NFATC2: variants seen among roughly 807,000 people sequenced by gnomAD.
NFATC2 encodes nuclear factor of activated T-cells, cytoplasmic 2.
Under a neutral mutation model 87.3 loss-of-function variants are expected in NFATC2, and 22 were observed. The ratio of observed to expected loss-of-function variants is 0.25; its 90% CI spans 0.18 to 0.36. The LOEUF (loss-of-function observed/expected upper bound fraction) is 0.36, where lower values mean the gene tolerates loss of function less well. Among genes scored for constraint, NFATC2 ranks in the 10% least tolerant of loss-of-function variants. The probability of loss-of-function intolerance (pLI) is 1.00; values close to 1 mark genes in which losing one functional copy is unlikely to be tolerated. For missense variants in NFATC2, 1,149 were observed against 1,259.1 expected (o/e 0.91, Z 1.32); for synonymous variants, 565 against 542.2 (o/e 1.04, Z -0.58).
intron 9 of NFATC2, among the ~76,000 whole-genome samples, chr20:51,408,474 A>C (rs1978680276): frequency 6.9e-6 from 1 of 144,630 alleles, no homozygotes; most frequent in Non-Finnish European, 1.5e-5. Context: ...AGATCGCGCC[A>C]CTGCACTCCA....
At chr20:51,429,381 C>T (rs375974366) in intron 9 of NFATC2, among the ~76,000 whole-genome samples, 32 of 152,344 alleles carry the variant, frequency 2.1e-4, no homozygotes, top group African/African-American at 7.0e-4. Flanking sequence ...TTGGAGGCCA[C>T]GTGGGTGGAA....
intron 10 of NFATC2, among the ~76,000 whole-genome samples, chr20:51,397,772 AG>A (rs1987401589): frequency 6.6e-6 from 1 of 152,112 alleles, no homozygotes. Flanking sequence ...ATGCTTCTCA[AG>A]CGTCAGCTCC....
In NFATC2 at chr20:51,542,531, G is replaced by T; in HGVS notation, c.-32C>A. The T allele has an allele frequency of 7.4e-7, 1 of 1,354,810 alleles. No individual in the cohort carries two copies. The highest frequency in any genetic ancestry group is 9.5e-7 in the Non-Finnish European group (1 of 1,055,564). The allele number at this position is 1,354,810 out of a possible 1,614,324, so 83.9% of individuals were successfully genotyped here. On this transcript the variant is annotated 5_prime_UTR_variant, in exon 1 of 11. Transcript: ENST00000371564. ...CAGGGCGGGAAGGCTGCGGGGCCGG[G>T]GGCGAGGGCGGGCGCGGCTGGCTCT... is the stretch of plus-strand genomic sequence containing the variant.
chr20:51,428,909 G>A (rs1982269716), intron 9 of NFATC2, among the ~76,000 whole-genome samples: 1 of 152,206 alleles, frequency 6.6e-6, no homozygotes, highest in African/African-American at 2.4e-5. Flanking sequence ...GGTTTAGCAC[G>A]GGCCCCGTGC....
intron 3 of NFATC2, among the ~76,000 whole-genome samples, chr20:51,507,056 C>G (rs909918253): frequency 6.6e-6 from 1 of 152,210 alleles, no homozygotes; most frequent in African/African-American, 2.4e-5. Flanking sequence ...GCTCCACAGG[C>G]GTCTGGGCTC....
In NFATC2 at chr20:51,524,082, G is replaced by A; in HGVS notation, c.159C>T (p.Ser53=). Residue 53 remains serine (S), a synonymous_variant, in exon 2 of 11, where the codon AGC becomes AGT. Coordinates refer to ENST00000371564, the MANE Select transcript of NFATC2 (RefSeq NM_012340.5). The surrounding 1 kb of genome is among the most constrained non-coding windows in gnomAD (Gnocchi z 4.0). ...EEEPNAHKVA[S]PPSGPAYPDD... is the part of the protein sequence containing the mutation. ...CGGGGTATGCGGGTCCGGAGGGTGG[G>A]CTGGCGACCTTATGTGCATTCGGCT... is the stretch of plus-strand genomic sequence containing the variant. The A allele has an allele frequency of 2.0e-6, 3 of 1,473,540 alleles. No individual in the cohort carries two copies. The highest frequency in any genetic ancestry group is 2.7e-6 in the Non-Finnish European group (3 of 1,115,432). 91.3% of individuals were successfully genotyped at this position (1,473,540 alleles called of 1,614,324 possible).
intron 1 of NFATC2, among the ~76,000 whole-genome samples, chr20:51,539,935 A>G (rs1249052684): frequency 1.3e-5 from 2 of 152,222 alleles, no homozygotes; most frequent in African/African-American, 4.8e-5. Flanking sequence ...CCTTCCAAAG[A>G]GTTTGAAGAA....
At chr20:51,420,288 G>C (rs1980687895) in intron 9 of NFATC2, among the ~76,000 whole-genome samples, 1 of 152,208 alleles carries the variant, frequency 6.6e-6, no homozygotes, top group South Asian at 2.1e-4. Flanking sequence ...GCAAGGCACT[G>C]ACTATCACCA....
intron 5 of NFATC2, among the ~76,000 whole-genome samples, chr20:51,471,864 CAGA>C (rs1279193382): frequency 6.6e-6 from 1 of 152,090 alleles, no homozygotes; most frequent in African/African-American, 2.4e-5. Context: ...TTTTAAAAAC[CAGA>C]AGATTTCCAG....
chr20:51,417,537 T>G (rs1384434918), intron 9 of NFATC2, among the ~76,000 whole-genome samples: 1 of 152,158 alleles, frequency 6.6e-6, no homozygotes, highest in Non-Finnish European at 1.5e-5. Context: ...CAAAGTCACT[T>G]CCTCAAAGAG....
upstream of NFATC2, chr20:51,562,710 C>G: frequency 7.2e-7 from 1 of 1,380,336 alleles, no homozygotes; most frequent in Non-Finnish European, 1.0e-6. The surrounding 1 kb of genome is among the most constrained non-coding windows in gnomAD (Gnocchi z 5.8). Context: ...ACGCCGTCTT[C>G]TCTACCGCGT....
intron 1 of NFATC2, among the ~76,000 whole-genome samples, chr20:51,559,869 T>C (rs2077007234): frequency 1.3e-5 from 2 of 152,366 alleles, no homozygotes; most frequent in East Asian, 3.9e-4. Flanking sequence ...GCATTTTACA[T>C]GCATCATTTC....
intron 5 of NFATC2, among the ~76,000 whole-genome samples, chr20:51,456,742 C>T (rs932358985): frequency 6.6e-6 from 1 of 152,254 alleles, no homozygotes; most frequent in Non-Finnish European, 1.5e-5. Flanking sequence ...TCCCCATCCG[C>T]GAGCCTGGGC....
chr20:51,451,685 G>A lies in NFATC2; in HGVS notation c.1849+2863C>T, dbSNP rs935145422. On this transcript the variant is annotated intron_variant, in intron 6 of 10. Coordinates refer to ENST00000371564, the MANE Select transcript of NFATC2 (RefSeq NM_012340.5). Reference sequence around the variant, plus strand: ...GCCACTCCCCATCACTTGCATTACCGCCTGAGCGCTGCCTCCTGTCAGATG... The same window carrying A: ...GCCACTCCCCATCACTTGCATTACCACCTGAGCGCTGCCTCCTGTCAGATG... Among the ~76,000 whole-genome samples the A allele has an allele frequency of 2.6e-5, 4 of 152,192 alleles. No individual in the cohort carries two copies. In the South Asian group the frequency reaches 6.2e-4, roughly 24 times the overall value.
At chr20:51,418,561 A>C (rs959804316) in intron 9 of NFATC2, among the ~76,000 whole-genome samples, 8 of 152,114 alleles carry the variant, frequency 5.3e-5, no homozygotes, top group African/African-American at 1.2e-4. Flanking sequence ...ACTGACCGTT[A>C]GGAGAGGAGT....
At position 51,432,609 on chromosome 20, in the gene NFATC2, G is replaced by A; in HGVS notation, c.2180C>T (p.Pro727Leu). 3.9e-6 allele frequency: 6 copies of A among 1,528,718 alleles called. No individual in the cohort carries two copies. Among genetic ancestry groups the A allele is most frequent in the Non-Finnish European group, 5.3e-6 (6 of 1,138,958 alleles). 94.7% of individuals were successfully genotyped at this position (1,528,718 alleles called of 1,614,324 possible). Residue 727 changes from proline (P) to leucine (L), a missense_variant, in exon 9 of 11, where the codon CCC (proline) becomes CTC (leucine). By Grantham distance (98) the Pro-to-Leu change is moderately conservative. Transcript: ENST00000371564. This position sits in a 1 kb window ranked among gnomAD's most constrained non-coding sequence, Gnocchi z 4.6. Reference protein sequence around the residue: ...SPSCLVATMAPCQQFRTGLSS... With the variant: ...SPSCLVATMALCQQFRTGLSS... ...GAGCCCCGTGCGGAACTGCTGGCAGGGAGCCATGGTGGCCACGAGGCAGGA... is the reference window on the plus strand; with the variant it reads ...GAGCCCCGTGCGGAACTGCTGGCAGAGAGCCATGGTGGCCACGAGGCAGGA...
intron 3 of NFATC2, among the ~76,000 whole-genome samples, chr20:51,501,428 C>G (rs2146629235): frequency 6.6e-6 from 1 of 152,336 alleles, no homozygotes; most frequent in South Asian, 2.1e-4. Flanking sequence ...CACTTAACTC[C>G]TGAATCAGAC....
At chr20:51,433,659 T>C (rs1001980920) in intron 8 of NFATC2, among the ~76,000 whole-genome samples, 49 of 152,210 alleles carry the variant, frequency 3.2e-4, no homozygotes, top group African/African-American at 1.2e-3. Context: ...TCCCAGGAGT[T>C]GAGGAATCAG....
Position 51,480,264 on chromosome 20 carries a change from G to T in NFATC2, c.1333-4604C>A, listed in dbSNP as rs1341877212. On this transcript the variant is annotated intron_variant, in intron 3 of 10. Coordinates refer to ENST00000371564, the MANE Select transcript of NFATC2 (RefSeq NM_012340.5). The surrounding 1 kb of genome is among the most constrained non-coding windows in gnomAD (Gnocchi z 4.2). Reference sequence around the variant, plus strand: ...TATTGCACCACTGCACTCCCGCCTGGGTCACAAAGCAAGACTCTGTCTCAA... The same window carrying T: ...TATTGCACCACTGCACTCCCGCCTGTGTCACAAAGCAAGACTCTGTCTCAA... 1.3e-5 allele frequency among the ~76,000 whole-genome samples: 2 copies of T among 150,964 alleles called. No individual in the cohort carries two copies. Among genetic ancestry groups the T allele is most frequent in the African/African-American group, 4.9e-5 (2 of 40,648 alleles).
Sources: allele counts gnomAD v4.1 joint callset (sites outside exome capture counted in the v4.1 genomes callset), GRCh38; gene constraint gnomAD v4.1.1; non-coding constraint Gnocchi (gnomAD v3.1); transcripts MANE v1.5; gene names NCBI Gene and HGNC (gene_info 2026-07-23, HGNC 2026-07-21).